PRSS48: variants seen among roughly 807,000 people sequenced by gnomAD.
PRSS48 encodes serine protease 48, also known as epidermis-specific serine protease-like protein.
In PRSS48, 21 loss-of-function variants were observed where a neutral mutation model predicts 25.6. That is an observed-to-expected ratio of 0.82 (90% CI 0.58 to 1.18). The LOEUF (loss-of-function observed/expected upper bound fraction) is 1.18. Among genes scored for constraint, PRSS48 ranks in the 50% most tolerant of loss-of-function variants. PRSS48 has a pLI of 0.00. For synonymous variants in PRSS48, 150 were observed against 149.3 expected (o/e 1.00, Z -0.04); for missense variants, 373 against 399.3 (o/e 0.93, Z 0.56).
chr4:151,283,306 A>T lies in PRSS48; in HGVS notation c.651+20A>T. On this transcript the variant is annotated intron_variant, in intron 4 of 4. Coordinates refer to ENST00000455694, the Ensembl canonical transcript of PRSS48. ...TGCAAGGTCAGGGTTTGCTCTAGAG[A>T]ATTTTTTTTTAAACATGAGATCTTA... The T allele has an allele frequency of 6.2e-7, 1 of 1,606,524 alleles. No homozygotes were observed. Among genetic ancestry groups the T allele is most frequent in the Non-Finnish European group, 8.5e-7 (1 of 1,175,532 alleles).
intron 4 of PRSS48, among the ~76,000 whole-genome samples, chr4:151,285,092 C>T (rs1774619025): frequency 6.6e-6 from 1 of 152,020 alleles, no homozygotes; most frequent in Admixed American, 6.6e-5. Flanking sequence ...AGGGAAAAGC[C>T]ACTTTTTAAA....
intron 4 of PRSS48, among the ~76,000 whole-genome samples, 178 bp from the exon 5 acceptor site, chr4:151,290,940 C>T (rs1458735642): frequency 1.3e-5 from 2 of 152,138 alleles, no homozygotes; most frequent in Non-Finnish European, 2.9e-5. Context: ...AATTTCAATT[C>T]TATGATTCTA....
rs569207719 is a variant in PRSS48, at chr4:151,282,490, C to A, written c.481+77C>A. 43 of 1,450,114 alleles carry A rather than the reference C, an allele frequency of 3.0e-5. No individual in the cohort carries two copies. In the African/African-American group the frequency reaches 5.6e-4, roughly 19 times the overall value. The allele number at this position is 1,450,114 out of a possible 1,614,324, so 89.8% of individuals were successfully genotyped here. A position where few individuals can be genotyped will look rare whatever the true frequency, so the allele number is the denominator to read the frequency against. ...CAGAACATTCATATTCTAGGCATATCCTTACCATGGAAAATATTTTTCAAC... is the reference window on the plus strand; with the variant it reads ...CAGAACATTCATATTCTAGGCATATACTTACCATGGAAAATATTTTTCAAC... On this transcript the variant is annotated intron_variant, in intron 3 of 4. Transcript: ENST00000455694.
chr4:151,286,231 A>G (rs1457612264), intron 4 of PRSS48, among the ~76,000 whole-genome samples: 5 of 150,838 alleles, frequency 3.3e-5, no homozygotes, highest in Non-Finnish European at 5.9e-5. Context: ...AAATACAAAG[A>G]AGGAAATAAG....
chr4:151,278,884 C>T (rs1359623854), intron 1 of PRSS48: 1 of 158,860 alleles, frequency 6.3e-6, no homozygotes, highest in Non-Finnish European at 1.4e-5. Context: ...CCACCCACCT[C>T]AGCCTCCCAA....
intron 4 of PRSS48, among the ~76,000 whole-genome samples, chr4:151,290,890 TA>T (rs1775264505): frequency 6.6e-6 from 1 of 152,310 alleles, no homozygotes; most frequent in African/African-American, 2.4e-5. Flanking sequence ...CACAGACAAA[TA>T]TTTTGAAATT....
chr4:151,286,636 C>G (rs1457157051), intron 4 of PRSS48, among the ~76,000 whole-genome samples: 2 of 150,266 alleles, frequency 1.3e-5, no homozygotes, highest in Non-Finnish European at 3.0e-5. Context: ...AATAAAAGAC[C>G]AGGTCCAGAT....
chr4:151,277,216 G>C (rs1338679986), exon 1 of PRSS48: 3 of 1,501,616 alleles, frequency 2.0e-6, no homozygotes, highest in Non-Finnish European at 2.7e-6. Context: ...CTTCTGCTGG[G>C]GATCTCAGGT....
chr4:151,289,086 T>G (rs1415076839), intron 4 of PRSS48, among the ~76,000 whole-genome samples: 1 of 152,218 alleles, frequency 6.6e-6, no homozygotes, highest in Non-Finnish European at 1.5e-5. Flanking sequence ...AACCCTTATA[T>G]TTATGGTCAA....
Position 151,278,453 on chromosome 4 carries a change from G to GA in PRSS48, c.52+1239dup, listed in dbSNP as rs375077069. ...CTGTTGTGTTTGTGGCCCAAAAGAAGAAAAAAAAAACCCTGACTAGTATTT... is the reference window on the plus strand; with the variant it reads ...CTGTTGTGTTTGTGGCCCAAAAGAAGAAAAAAAAAAACCCTGACTAGTATTT... On this transcript the variant is annotated intron_variant, in intron 1 of 4. Transcript: ENST00000455694. Among the ~76,000 whole-genome samples, 839 of 141,942 alleles carry GA rather than the reference G, an allele frequency of 5.9e-3. 2 individuals carry two copies. Among genetic ancestry groups the GA allele is most frequent in the African/African-American group, 0.019 (751 of 38,624 alleles). The allele number at this position is 141,942 out of a possible 152,430, so 93.1% of individuals were successfully genotyped here. A position where few individuals can be genotyped will look rare whatever the true frequency, so the allele number is the denominator to read the frequency against.
At chr4:151,280,729 T>C (rs1774135680) in intron 2 of PRSS48, among the ~76,000 whole-genome samples, 1 of 151,970 alleles carries the variant, frequency 6.6e-6, no homozygotes, top group African/African-American at 2.4e-5. Flanking sequence ...AGTTCAAGGC[T>C]GCAGTGACCT....
chr4:151,290,215 G>C (rs935010653), intron 4 of PRSS48, among the ~76,000 whole-genome samples: 1 of 152,114 alleles, frequency 6.6e-6, no homozygotes, highest in Admixed American at 6.6e-5. Context: ...AAGGCACTAG[G>C]ATTACAGACA....
chr4:151,290,848 A>T (rs571421679), intron 4 of PRSS48, among the ~76,000 whole-genome samples: 1 of 152,208 alleles, frequency 6.6e-6, no homozygotes, highest in Non-Finnish European at 1.5e-5. Flanking sequence ...TTAGTGAAAA[A>T]ATCATCTCAT....
intron 4 of PRSS48, among the ~76,000 whole-genome samples, chr4:151,290,747 T>C (rs17027521): frequency 0.037 from 5,632 of 152,264 alleles, 317 homozygotes; most frequent in African/African-American, 0.13. Context: ...ACTATCACTA[T>C]CATTTTAGGT....
intron 2 of PRSS48, 71 bp from the exon 3 acceptor site, chr4:151,282,077 G>T: frequency 6.6e-7 from 1 of 1,517,130 alleles, no homozygotes; most frequent in South Asian, 1.2e-5. Context: ...TAGAGACTTA[G>T]TGCTACATAT....
chr4:151,279,908 T>A (rs769469749), exon 2 of PRSS48: 1 of 1,613,736 alleles, frequency 6.2e-7, no homozygotes. Flanking sequence ...TCTGTGGAGG[T>A]TCCCTCGTCA....
At chr4:151,283,463 T>G (rs976441005) in intron 4 of PRSS48, among the ~76,000 whole-genome samples, 177 bp downstream of exon 4, 1 of 151,532 alleles carries the variant, frequency 6.6e-6, no homozygotes, top group Non-Finnish European at 1.5e-5. Context: ...TTTCTTCAAC[T>G]ATAAGACTAT....
At chr4:151,279,153 C>A in intron 1 of PRSS48, 1 of 421,654 alleles carries the variant, frequency 2.4e-6, no homozygotes, top group Admixed American at 2.7e-5. Context: ...AGCATCTTGG[C>A]CATCTACAAC....
At chr4:151,282,437 T>C (rs564834026) in intron 3 of PRSS48, 24 bp downstream of exon 3, 1 of 1,611,476 alleles carries the variant, frequency 6.2e-7, no homozygotes, top group Admixed American at 1.7e-5. Context: ...GAGAGAAGGG[T>C]TGTTTCATAT....
Sources: gnomAD v4.1 joint callset for allele counts (sites outside exome capture counted in the v4.1 genomes callset) on GRCh38, gnomAD v4.1.1 for gene constraint, MANE v1.5 for transcripts, NCBI Gene and HGNC (gene_info 2026-07-23, HGNC 2026-07-21) for gene names.